Variants in TMIGD1 observed in about 807,000 individuals in gnomAD.
TMIGD1 encodes the protein transmembrane and immunoglobulin domain containing 1, also known as transmembrane and immunoglobulin domain-containing protein 1.
TMIGD1 carries 29 observed loss-of-function variants against 27.5 expected under a neutral mutation model. The ratio of observed to expected loss-of-function variants is 1.05; its 90% CI spans 0.78 to 1.44. The LOEUF (loss-of-function observed/expected upper bound fraction) is 1.44, where lower values mean the gene tolerates loss of function less well. Among genes scored for constraint, TMIGD1 ranks in the 40% most tolerant of loss-of-function variants. The pLI is 0.00. For missense variants in TMIGD1, 334 were observed against 310.6 expected (o/e 1.08, Z -0.57); for synonymous variants, 109 against 110.3 (o/e 0.99, Z 0.07).
At chr17:30,333,045 C>T (rs977807768) in intron 1 of TMIGD1, among the ~76,000 whole-genome samples, 3 of 152,074 alleles carry the variant, frequency 2.0e-5, no homozygotes, top group African/African-American at 7.2e-5. Context: ...GATTTGAACC[C>T]AGACTCCCAA....
At chr17:30,333,440 CAAAAAATAAAAAT>C (rs1300785792) in intron 1 of TMIGD1, among the ~76,000 whole-genome samples, 3 of 151,440 alleles carry the variant, frequency 2.0e-5, no homozygotes, top group East Asian at 1.9e-4. Context: ...GGCTCGGTCT[CAAAAAATAAAAAT>C]AAAAAATAAA....
In TMIGD1 at chr17:30,332,178, G is replaced by A; in HGVS notation, c.-25-20C>T. ...GATCTACTAAGGGAAAAATAGTGCA[G>A]TTGGTTTTGTACTTTGGTCTGCAAT... On this transcript the variant is annotated intron_variant, in intron 1 of 6. Transcript: ENST00000328886. 6.6e-7 allele frequency: 1 copy of A among 1,518,118 alleles called. No individual in the cohort carries two copies. Among genetic ancestry groups the A allele is most frequent in the Non-Finnish European group, 9.1e-7 (1 of 1,101,702 alleles). 94.0% of individuals were successfully genotyped at this position (1,518,118 alleles called of 1,614,324 possible).
At chr17:30,325,900 G>A (rs1413249947) in intron 3 of TMIGD1, among the ~76,000 whole-genome samples, 11 of 146,998 alleles carry the variant, frequency 7.5e-5, no homozygotes, top group African/African-American at 2.7e-4. Context: ...TACAATAAGG[G>A]CAGTTGTAGA....
chr17:30,316,795 T>C, intron 6 of TMIGD1, 105 bp from the exon 7 acceptor site: 2 of 1,017,032 alleles, frequency 2.0e-6, no homozygotes, highest in Non-Finnish European at 3.0e-6. Flanking sequence ...TCTTATTACC[T>C]ACTACCCACT....
chr17:30,320,888 C>T (rs1909597443), intron 4 of TMIGD1, among the ~76,000 whole-genome samples: 1 of 152,016 alleles, frequency 6.6e-6, no homozygotes, highest in Non-Finnish European at 1.5e-5. Context: ...GACAGAATCT[C>T]GCTCTGCCGC....
chr17:30,322,103 C>T (rs1004971624), intron 4 of TMIGD1, among the ~76,000 whole-genome samples: 13 of 152,176 alleles, frequency 8.5e-5, no homozygotes, highest in African/African-American at 2.9e-4. Flanking sequence ...CCTGGGATTA[C>T]AAGCATGAAC....
chr17:30,328,921 G>A (rs572883518), intron 3 of TMIGD1, among the ~76,000 whole-genome samples: 181 of 139,832 alleles, frequency 1.3e-3, no homozygotes, highest in African/African-American at 4.6e-3. Flanking sequence ...CCGAGATTGC[G>A]CCACTGAACT....
Position 30,324,982 on chromosome 17 carries a change from GT to G in TMIGD1, c.473del (p.Asn158ThrfsTer7). On this transcript the variant is annotated frameshift_variant, in exon 4 of 7. Coordinates refer to ENST00000328886, the MANE Select transcript of TMIGD1 (RefSeq NM_206832.3). LOFTEE classifies it high-confidence loss of function. ...NPQAQMMWYKNSSLLDLEKSR... is the reference protein window; with the variant it reads ...NPQAQMMWYKXSSLLDLEKSR... ...TTTTCTCTAAATCGAGGAGACTACTGTTTTTGTACCACATCATTTGAGCCTG... is the reference window on the plus strand; with the variant it reads ...TTTTCTCTAAATCGAGGAGACTACTGTTTTGTACCACATCATTTGAGCCTG... 6.2e-7 allele frequency: 1 copy of G among 1,614,118 alleles called. No homozygotes were observed. The highest frequency in any genetic ancestry group is 1.1e-5 in the South Asian group (1 of 91,068).
rs546088021 is a variant in TMIGD1 at position 30,332,160 on chromosome 17, T to G, written c.-25-2A>C. On this transcript the variant is annotated splice_acceptor_variant, in intron 1 of 6. Coordinates refer to ENST00000328886, the MANE Select transcript of TMIGD1 (RefSeq NM_206832.3). LOFTEE classifies it low-confidence loss of function (5UTR_SPLICE). Reference sequence around the variant, plus strand: ...TTTAATGAGTTAAACTCAGATCTACTAAGGGAAAAATAGTGCAGTTGGTTT... The same window carrying G: ...TTTAATGAGTTAAACTCAGATCTACGAAGGGAAAAATAGTGCAGTTGGTTT... The G allele has an allele frequency of 6.3e-7, 1 of 1,590,974 alleles. No homozygotes were observed. Among genetic ancestry groups the G allele is most frequent in the Non-Finnish European group, 8.6e-7 (1 of 1,164,698 alleles).
At chr17:30,318,195 G>C (rs1333759610) in intron 5 of TMIGD1, among the ~76,000 whole-genome samples, 1 of 152,236 alleles carries the variant, frequency 6.6e-6, no homozygotes, top group Non-Finnish European at 1.5e-5. Flanking sequence ...TGGCTGCCCT[G>C]TTGCTATGTG....
Position 30,318,761 on chromosome 17 carries a change from T to G in TMIGD1, c.744+49A>C, listed in dbSNP as rs1342600419. ...CACTTATATTTCTAGCTTTCTGCCT[T>G]TATTCAGATGATGGCTTTTTACTTA... On this transcript the variant is annotated intron_variant, in intron 5 of 6. Transcript: ENST00000328886. The G allele has an allele frequency of 3.5e-6, 5 of 1,416,426 alleles. No homozygotes were observed. The Admixed American group carries it at 8.6e-5, about 24-fold the overall frequency. 87.7% of individuals were successfully genotyped at this position (1,416,426 alleles called of 1,614,324 possible). A position where few individuals can be genotyped will look rare whatever the true frequency, so the allele number is the denominator to read the frequency against.
chr17:30,317,055 T>C (rs1909437463), intron 6 of TMIGD1, 138 bp downstream of exon 6: 2 of 1,036,016 alleles, frequency 1.9e-6, no homozygotes, highest in Non-Finnish European at 3.0e-6. Flanking sequence ...GGAGGCAGAT[T>C]TTCCTCCACC....
chr17:30,319,429 CAAAA>C (rs1286864435), intron 4 of TMIGD1, among the ~76,000 whole-genome samples: 2 of 40,788 alleles, frequency 4.9e-5, no homozygotes, highest in Non-Finnish European at 9.9e-5. Context: ...TCTCTGTCTC[CAAAA>C]AAAAAAAAAA....
At chr17:30,331,406 G>A (rs1909973738) in intron 2 of TMIGD1, among the ~76,000 whole-genome samples, 1 of 151,868 alleles carries the variant, frequency 6.6e-6, no homozygotes, top group Admixed American at 6.6e-5. Flanking sequence ...GAGAGCAAAT[G>A]CTGGAAAGAT....
intron 2 of TMIGD1, among the ~76,000 whole-genome samples, chr17:30,330,217 A>G (rs939751045): frequency 1.3e-5 from 2 of 149,950 alleles, no homozygotes; most frequent in African/African-American, 4.9e-5. Context: ...ATCAGGTTAG[A>G]AATCAATACA....
In TMIGD1 at chr17:30,329,980, G is replaced by A. The variant is rs150410210; in HGVS notation, c.83-451C>T. Among the ~76,000 whole-genome samples, 86 of 152,214 alleles carry A rather than the reference G, an allele frequency of 5.6e-4. 1 individual carries two copies. The East Asian group carries it at 0.015, about 27-fold the overall frequency. On this transcript the variant is annotated intron_variant, in intron 2 of 6. Coordinates refer to ENST00000328886, the MANE Select transcript of TMIGD1 (RefSeq NM_206832.3). ...TGCACCCATACTTTTAGCTACTTGG[G>A]AGGATAAGGTGGGAGACTCGCTTGA...
chr17:30,324,954 G>A lies in TMIGD1; in HGVS notation c.502C>T (p.Arg168Cys), dbSNP rs759055710. ...NSSLLDLEKSRHQIQQTSESF... is the reference protein window; with the variant it reads ...NSSLLDLEKSCHQIQQTSESF... ...TCACTTGTCTGTTGGATTTGGTGAC[G>A]GCTTTTCTCTAAATCGAGGAGACTA... Residue 168 changes from arginine (R) to cysteine (C), a missense_variant, in exon 4 of 7, where the codon CGT becomes TGT. Coordinates refer to ENST00000328886, the MANE Select transcript of TMIGD1 (RefSeq NM_206832.3). The A allele has an allele frequency of 1.3e-5, 21 of 1,613,992 alleles. No individual in the cohort carries two copies. The highest frequency in any genetic ancestry group is 2.2e-5 in the East Asian group (1 of 44,896).
At chr17:30,330,400 G>A (rs1909938582) in intron 2 of TMIGD1, among the ~76,000 whole-genome samples, 1 of 152,074 alleles carries the variant, frequency 6.6e-6, no homozygotes, top group African/African-American at 2.4e-5. Flanking sequence ...ATTGAAAGTG[G>A]GAAAGCAAGG....
chr17:30,316,889 A>G lies in TMIGD1; in HGVS notation c.786-199T>C, dbSNP rs762391971. On this transcript the variant is annotated intron_variant, in intron 6 of 6. Transcript: ENST00000328886. ...GTGGTTCCTGGCCTTGTTGTAAAGC[A>G]GTATGGACCAGTGACTTCCTCCAGA... is the stretch of plus-strand genomic sequence containing the variant. 69 of 639,890 alleles carry G rather than the reference A, an allele frequency of 1.1e-4. No homozygotes were observed. The South Asian group carries it at 1.3e-3, about 12-fold the overall frequency. The allele number at this position is 639,890 out of a possible 1,614,324, so 39.6% of individuals were successfully genotyped here.
Sources: allele counts gnomAD v4.1 joint callset (sites outside exome capture counted in the v4.1 genomes callset), GRCh38; gene constraint gnomAD v4.1.1; transcripts MANE v1.5; gene names NCBI Gene and HGNC (gene_info 2026-07-23, HGNC 2026-07-21).